ZNF320: variants seen among roughly 807,000 people sequenced by gnomAD.
ZNF320 encodes the protein zinc finger protein 320, also known as zinc finger gene 320.
ZNF320 carries 2 observed loss-of-function variants against 6.8 expected under a neutral mutation model. That is an observed-to-expected ratio of 0.29 (90% CI 0.12 to 0.93). The LOEUF (loss-of-function observed/expected upper bound fraction) is 0.93, where lower values mean the gene tolerates loss of function less well. ZNF320 is among the 40% of genes least tolerant of loss of function. ZNF320 has a pLI of 0.55. For synonymous variants in ZNF320, 208 were observed against 203.2 expected (o/e 1.02, Z -0.20); for missense variants, 472 against 611.0 (o/e 0.77, Z 2.40).
rs202053045 is a variant in ZNF320 at position 52,881,500 on chromosome 19, C to T, written c.626G>A (p.Arg209Lys). ...GTAATGTTTGTCTCCCCTGTGAATT[C>T]TAGTATGTTTTGCCAGGTGTGAATC... ...KHDSHLAKHT[R>K]IHRGDKHYTC... is the part of the protein sequence containing the mutation. The change falls in exon 6 of 6, where the codon AGA (arginine) becomes AAA (lysine). Residue 209 changes from arginine (R) to lysine (K), a missense_variant. Physicochemically the swap from Arg to Lys is conservative, Grantham distance 26. Transcript: ENST00000682928. 6.2e-7 allele frequency: 1 copy of T among 1,614,010 alleles called. No individual in the cohort carries two copies. Among genetic ancestry groups the T allele is most frequent in the African/African-American group, 1.3e-5 (1 of 74,906 alleles).
At chr19:52,859,773 G>A (rs2063475729), downstream of ZNF320, among the ~76,000 whole-genome samples, 1 of 152,086 alleles carries the variant, frequency 6.6e-6, no homozygotes, top group Admixed American at 6.6e-5. Context: ...TCTGGGGCTG[G>A]GTAGTCTTCC....
Position 52,880,741 on chromosome 19 carries a change from A to T in ZNF320, c.1385T>A (p.Ile462Asn). 1 of 1,613,932 alleles carries T rather than the reference A, an allele frequency of 6.2e-7. No individual in the cohort carries two copies. The highest frequency in any genetic ancestry group is 8.5e-7 in the Non-Finnish European group (1 of 1,179,864). ...TTTGTAAGATTTCTGTCCAGTATGG[A>T]TTCTCTGATGCCTAATAAGGTGTGA... ...SPSHLIRHQR[I>N]HTGQKSYKCH... The change falls in exon 6 of 6, where the codon ATC becomes AAC. Residue 462 changes from isoleucine to asparagine, a missense_variant. Around this residue, in one of 2 missense-constraint regions of ZNF320, gnomAD observed 462 missense variants for 559.7 expected, o/e 0.83. Transcript: ENST00000682928.
downstream of ZNF320, chr19:52,876,089 G>C (rs1338161726): frequency 6.6e-6 from 1 of 152,108 alleles, no homozygotes; most frequent in Non-Finnish European, 1.5e-5. Flanking sequence ...GAATATTATG[G>C]ACCAGAGGAA....
rs2063879315 is a variant in ZNF320, at chr19:52,880,444, A to C, written c.*152T>G. The C allele has an allele frequency of 2.9e-6, 2 of 686,682 alleles. No individual in the cohort carries two copies. Among genetic ancestry groups the C allele is most frequent in the Non-Finnish European group, 2.3e-6 (1 of 432,006 alleles). The allele number at this position is 686,682 out of a possible 1,614,324, so 42.5% of individuals were successfully genotyped here. On this transcript the variant is annotated 3_prime_UTR_variant, in exon 6 of 6. Transcript: ENST00000682928. ...TCAAATTCATGACCTCAAGTGACCTACCTGTCTTGGCCTCTCAAAGTGCTG... is the reference window on the plus strand; with the variant it reads ...TCAAATTCATGACCTCAAGTGACCTCCCTGTCTTGGCCTCTCAAAGTGCTG...
intron 5 of ZNF320, among the ~76,000 whole-genome samples, 174 bp downstream of exon 5, chr19:52,887,953 C>T (rs2064146804): frequency 6.6e-6 from 1 of 152,134 alleles, no homozygotes; most frequent in African/African-American, 2.4e-5. Flanking sequence ...GAACGCAGAA[C>T]ATCTAAACAA....
Position 52,869,329 on chromosome 19 carries a change from G to C in ZNF320, c.223+4663C>G, listed in dbSNP as rs115510860. Among the ~76,000 whole-genome samples the C allele has an allele frequency of 6.2e-3, 938 of 152,234 alleles. 8 individuals carry two copies. The highest frequency in any genetic ancestry group is 0.021 in the African/African-American group (872 of 41,546). The stretch of plus-strand genomic sequence containing the variant: ...AATGGCCTCTGATACCTAGTTTCAA[G>C]AGTATACACAACAATATACCAAGTA... On this transcript the variant is annotated intron_variant, in intron 5 of 5. Coordinates refer to the ZNF320 transcript ENST00000673631.
chr19:52,859,847 C>T (rs991829216), downstream of ZNF320, among the ~76,000 whole-genome samples: 2 of 151,740 alleles, frequency 1.3e-5, no homozygotes, highest in African/African-American at 2.4e-5. Context: ...TTGCACTACA[C>T]GCTACCAGTT....
chr19:52,874,439 G>C (rs530858283), downstream of ZNF320, among the ~76,000 whole-genome samples: 6 of 152,266 alleles, frequency 3.9e-5, no homozygotes, highest in African/African-American at 1.2e-4. Context: ...CAATGCTGGA[G>C]ACAGATAAGG....
chr19:52,871,534 C>T (rs8110526), downstream of ZNF320, among the ~76,000 whole-genome samples: 40,190 of 151,954 alleles, frequency 0.26, 5,654 homozygotes, highest in South Asian at 0.34. Flanking sequence ...AAAAAAATTC[C>T]AAAACCATCT....
chr19:52,865,597 TTA>T lies in ZNF320; in HGVS notation c.224-1440_224-1439del, dbSNP rs545405820. ...TATATTTATATGATTATACATATAT[TTA>T]TATATGAGATTATACATATATATTT... On this transcript the variant is annotated intron_variant, in intron 5 of 5. Coordinates refer to the ZNF320 transcript ENST00000673631. 2.6e-4 allele frequency among the ~76,000 whole-genome samples: 33 copies of T among 126,884 alleles called. 3 individuals carry two copies. The East Asian group carries it at 4.5e-3, about 17-fold the overall frequency. 83.2% of individuals were successfully genotyped at this position (126,884 alleles called of 152,430 possible). A position where few individuals can be genotyped will look rare whatever the true frequency, so the allele number is the denominator to read the frequency against.
upstream of ZNF320, among the ~76,000 whole-genome samples, chr19:52,901,271 C>T (rs1600670938): frequency 6.6e-6 from 1 of 152,156 alleles, no homozygotes; most frequent in African/African-American, 2.4e-5. Context: ...TGTCTAACTT[C>T]AGTGACTTGA....
At chr19:52,867,501 T>C (rs1856757371) in intron 5 of ZNF320, among the ~76,000 whole-genome samples, 1 of 152,014 alleles carries the variant, frequency 6.6e-6, no homozygotes, top group Non-Finnish European at 1.5e-5. Flanking sequence ...CAGCCCATAT[T>C]TGGATTTCTT....
At chr19:52,869,639 C>A (rs1464728236) in intron 5 of ZNF320, among the ~76,000 whole-genome samples, 1 of 152,068 alleles carries the variant, frequency 6.6e-6, no homozygotes, top group Non-Finnish European at 1.5e-5. Flanking sequence ...CAGGTTCAAG[C>A]AATTCTCTTG....
rs1322216007 is a variant in ZNF320 at position 52,879,716 on chromosome 19, C to A, written c.*880G>T. ...TCACAAAGAGTCAACCAAAATGCAACTGGAACTAAAAAACATATGCAGTGG... is the reference window on the plus strand; with the variant it reads ...TCACAAAGAGTCAACCAAAATGCAAATGGAACTAAAAAACATATGCAGTGG... On this transcript the variant is annotated 3_prime_UTR_variant, in exon 6 of 6. Transcript: ENST00000682928. The A allele has an allele frequency of 6.6e-6, 1 of 152,018 alleles. No individual in the cohort carries two copies. Among genetic ancestry groups the A allele is most frequent in the African/African-American group, 2.4e-5 (1 of 41,370 alleles). The allele number at this position is 152,018 out of a possible 1,614,324, so 9.4% of individuals were successfully genotyped here.
chr19:52,896,578 G>A (rs2064480334), intron 1 of ZNF320, among the ~76,000 whole-genome samples: 1 of 151,960 alleles, frequency 6.6e-6, no homozygotes, highest in African/African-American at 2.4e-5. Flanking sequence ...GTGTGGTGGC[G>A]CGCGGCTGTG....
chr19:52,865,473 CAT>C (rs61415964), intron 5 of ZNF320: 900 of 38,752 alleles, frequency 0.023, 43 homozygotes, highest in African/African-American at 0.091. Flanking sequence ...ATATATATTA[CAT>C]ATATATATAA....
rs1450466161 is a variant in ZNF320, at chr19:52,881,957, T to C, written c.169A>G (p.Thr57Ala). The C allele has an allele frequency of 1.2e-6, 2 of 1,606,812 alleles. No homozygotes were observed. Among genetic ancestry groups the C allele is most frequent in the South Asian group, 2.2e-5 (2 of 89,850 alleles). Reference sequence around the variant, plus strand: ...TTGCCTTGCCCTGTTGATGACAATGTATTCATCATGCATTTGGAAGAGATA... The same window carrying C: ...TTGCCTTGCCCTGTTGATGACAATGCATTCATCATGCATTTGGAAGAGATA... ...LDISSKCMMN[T>A]LSSTGQGNTE... The change falls in exon 6 of 6, where the codon ACA (threonine) becomes GCA (alanine). Residue 57 changes from threonine to alanine, a missense_variant. Transcript: ENST00000682928.
intron 1 of ZNF320, chr19:52,894,150 C>A (rs1442908730): frequency 6.6e-6 from 1 of 152,056 alleles, no homozygotes; most frequent in Non-Finnish European, 1.5e-5. Flanking sequence ...CTCTGGGAGG[C>A]CGAGGTGGGT....
At chr19:52,883,087 G>A (rs1256400512) in intron 5 of ZNF320, among the ~76,000 whole-genome samples, 2 of 151,908 alleles carry the variant, frequency 1.3e-5, no homozygotes, top group Admixed American at 6.6e-5. Context: ...TGTCACCCAG[G>A]CTGGAGTGCA....
Sources: gnomAD v4.1 joint callset for allele counts (sites outside exome capture counted in the v4.1 genomes callset) on GRCh38, gnomAD v4.1.1 for gene constraint, gnomAD v4.1.1 regional missense constraint, MANE v1.5 for transcripts, NCBI Gene and HGNC (gene_info 2026-07-23, HGNC 2026-07-21) for gene names.